The following CAD variants were observed in gnomAD, a reference collection of about 807,000 sequenced individuals.
The protein encoded by CAD is carbamoyl-phosphate synthetase 2, aspartate transcarbamylase, and dihydroorotase, also known as multifunctional protein CAD.
In CAD, 81 loss-of-function variants were observed where a neutral mutation model predicts 237.2. The observed-to-expected ratio is 0.34, with a 90% CI of 0.29 to 0.41. CAD has a LOEUF of 0.41. Among genes scored for constraint, CAD ranks in the 10% least tolerant of loss-of-function variants. The probability of loss-of-function intolerance (pLI) is 1.00; values close to 1 mark genes in which losing one functional copy is unlikely to be tolerated. For synonymous variants in CAD, 1,196 were observed against 1,162.8 expected (o/e 1.03, Z -0.58); for missense variants, 2,181 against 2,951.7 (o/e 0.74, Z 6.05).
rs1256647819 is a variant in CAD at position 27,240,695 on chromosome 2, G to A, written c.5594-216G>A. The stretch of plus-strand genomic sequence containing the variant: ...TGCCTTTGCCAACTGGGAGAGCCCC[G>A]GGAGGGCACCACTGCTCCCATACAA... On this transcript the variant is annotated intron_variant, in intron 35 of 43. Coordinates refer to ENST00000264705, the MANE Select transcript of CAD (RefSeq NM_004341.5). The surrounding 1 kb of genome is among the most constrained non-coding windows in gnomAD (Gnocchi z 4.6). The A allele has an allele frequency of 7.6e-6, 11 of 1,439,362 alleles. No homozygotes were observed. The highest frequency in any genetic ancestry group is 5.0e-5 in the East Asian group (2 of 40,178). The allele number at this position is 1,439,362 out of a possible 1,614,324, so 89.2% of individuals were successfully genotyped here.
In CAD at chr2:27,239,842, A is replaced by C; in HGVS notation, c.5496+44A>C. The C allele has an allele frequency of 5.2e-6, 7 of 1,347,956 alleles. No individual in the cohort carries two copies. The highest frequency in any genetic ancestry group is 2.4e-5 in the East Asian group (1 of 42,394). The allele number at this position is 1,347,956 out of a possible 1,614,324, so 83.5% of individuals were successfully genotyped here. ...TAGGGGGCTGGGAGGTGTTAGTCTC[A>C]GGGCAGGATGAACAGCTTGAACATT... is the stretch of plus-strand genomic sequence containing the variant. On this transcript the variant is annotated intron_variant, in intron 34 of 43. Coordinates refer to ENST00000264705, the MANE Select transcript of CAD (RefSeq NM_004341.5). This position sits in a 1 kb window ranked among gnomAD's most constrained non-coding sequence, Gnocchi z 4.0.
At chr2:27,231,253 G>A (rs1219779104) in intron 15 of CAD, among the ~76,000 whole-genome samples, 3 of 152,142 alleles carry the variant, frequency 2.0e-5, no homozygotes, top group South Asian at 2.1e-4. Flanking sequence ...TGATCCTTCC[G>A]CCTCAGCCTC....
rs774854752 is a variant in CAD at position 27,241,306 on chromosome 2, T to C, written c.5809-16T>C. Reference sequence around the variant, plus strand: ...TGGGGCTAGGACCTTTCTAGCTAACTTGGGCTCTTTCTTAGATGTCTCACC... The same window carrying C: ...TGGGGCTAGGACCTTTCTAGCTAACCTGGGCTCTTTCTTAGATGTCTCACC... On this transcript the variant is annotated splice_polypyrimidine_tract_variant and intron_variant, in intron 37 of 43. Coordinates refer to ENST00000264705, the MANE Select transcript of CAD (RefSeq NM_004341.5). The surrounding 1 kb of genome is among the most constrained non-coding windows in gnomAD (Gnocchi z 4.6). The C allele has an allele frequency of 4.3e-6, 7 of 1,613,984 alleles. No homozygotes were observed. The Admixed American group carries it at 8.3e-5, about 19-fold the overall frequency.
chr2:27,221,290 A>C lies in CAD; in HGVS notation c.295A>C (p.Ser99Arg). The C allele has an allele frequency of 6.3e-7, 1 of 1,593,754 alleles. No individual in the cohort carries two copies. Among genetic ancestry groups the C allele is most frequent in the Non-Finnish European group, 8.5e-7 (1 of 1,170,700 alleles). ...GTGCTGTCCTACTCCCAGCCACTGG[A>C]GTGCCACCCGCACCCTGCATGAGTG... Reference protein sequence around the residue: ...GECCPTPSHWSATRTLHEWLQ... With the variant: ...GECCPTPSHWRATRTLHEWLQ... Residue 99 changes from serine (S) to arginine (R), a missense_variant, in exon 3 of 44, where the codon AGT becomes CGT. Around this residue, in one of 12 missense-constraint regions of CAD, gnomAD observed 314 missense variants for 339.4 expected, o/e 0.93. Coordinates refer to ENST00000264705, the MANE Select transcript of CAD (RefSeq NM_004341.5).
rs752246638 is a variant in CAD, at chr2:27,239,203, C to G, written c.5224C>G (p.Leu1742Val). ...CCACAATCCTCGGCGCATCTTTCAC[C>G]TGCCCCCGCAGGAGGACACCTATGT... The part of the protein sequence containing the change: ...LHHNPRRIFH[L>V]PPQEDTYVEV... The change falls in exon 32 of 44, where the codon CTG becomes GTG. Residue 1742 changes from leucine to valine, a missense_variant. Physicochemically the swap from Leu to Val is conservative, Grantham distance 32. This residue lies in a region of CAD where 478 missense variants were observed against 515.0 expected (regional missense o/e 0.93). Transcript: ENST00000264705. This position sits in a 1 kb window ranked among gnomAD's most constrained non-coding sequence, Gnocchi z 4.0. The G allele has an allele frequency of 2.3e-5, 37 of 1,608,660 alleles. No individual in the cohort carries two copies. The highest frequency in any genetic ancestry group is 2.5e-5 in the Non-Finnish European group (30 of 1,176,990).
At position 27,239,536 on chromosome 2, in the gene CAD, T is replaced by C; in HGVS notation, c.5394+65T>C. The C allele has an allele frequency of 3.2e-6, 5 of 1,574,768 alleles. No individual in the cohort carries two copies. The highest frequency in any genetic ancestry group is 4.3e-6 in the Non-Finnish European group (5 of 1,151,118). On this transcript the variant is annotated intron_variant, in intron 33 of 43. Coordinates refer to ENST00000264705, the MANE Select transcript of CAD (RefSeq NM_004341.5). This position sits in a 1 kb window ranked among gnomAD's most constrained non-coding sequence, Gnocchi z 4.0. ...TTCTGCACCACGTTCATTTCTTCCC[T>C]TCCCAGCACATCTACACTGTCCCAC...
Position 27,238,174 on chromosome 2 carries a change from C to T in CAD, c.4847C>T (p.Ala1616Val). ...CGCTCAGTGCACATATGTCACGTGG[C>T]ACGGAAGGAGGAGGTAAGAGTACAC... The part of the protein sequence containing the change: ...TQRSVHICHV[A>V]RKEEILLIKA... The change falls in exon 30 of 44, where the codon GCA becomes GTA. Residue 1616 changes from alanine (A) to valine (V), a missense_variant. This residue lies in a region of CAD where 478 missense variants were observed against 515.0 expected (regional missense o/e 0.93). Transcript: ENST00000264705. 1 of 1,614,042 alleles carries T rather than the reference C, an allele frequency of 6.2e-7. No individual in the cohort carries two copies.
At chr2:27,227,529 T>G (rs948782959) in intron 15 of CAD, 1 of 152,326 alleles carries the variant, frequency 6.6e-6, no homozygotes, top group Non-Finnish European at 1.5e-5. Flanking sequence ...TAGTGGCCTT[T>G]AAACAAGTAA....
At chr2:27,220,295 G>A (rs754828577) in intron 2 of CAD, among the ~76,000 whole-genome samples, 5 of 152,206 alleles carry the variant, frequency 3.3e-5, no homozygotes, top group Non-Finnish European at 5.9e-5. Context: ...GGCACAAGCT[G>A]TATTGGGTGA....
chr2:27,228,167 TAGTC>T (rs1189907310), intron 15 of CAD, among the ~76,000 whole-genome samples: 1 of 152,164 alleles, frequency 6.6e-6, no homozygotes, highest in African/African-American at 2.4e-5. Context: ...CTAGAGTAAA[TAGTC>T]AGAGGAGATG....
At chr2:27,223,245 A>G (rs1440749357) in intron 6 of CAD, among the ~76,000 whole-genome samples, 1 of 152,204 alleles carries the variant, frequency 6.6e-6, no homozygotes, top group African/African-American at 2.4e-5. Flanking sequence ...AGCCTGGCCA[A>G]CATGGTGAAA....
rs751472393 is a variant in CAD, at chr2:27,233,717, C to T, written c.3308C>T (p.Thr1103Met). The change falls in exon 21 of 44, where the codon ACG becomes ATG. Residue 1103 changes from threonine to methionine, a missense_variant. Physicochemically the swap from Thr to Met is moderately conservative, Grantham distance 81 (BLOSUM62 -1). Coordinates refer to ENST00000264705, the MANE Select transcript of CAD (RefSeq NM_004341.5). The surrounding 1 kb of genome is among the most constrained non-coding windows in gnomAD (Gnocchi z 6.3). ...LSGAAMNVAY[T>M]DGDLERFLSS... Reference sequence around the variant, plus strand: ...GGTGCTGCTATGAATGTGGCCTACACGGATGGAGACCTGGAGCGCTTCCTG... The same window carrying T: ...GGTGCTGCTATGAATGTGGCCTACATGGATGGAGACCTGGAGCGCTTCCTG... The T allele has an allele frequency of 2.5e-5, 41 of 1,614,042 alleles. No homozygotes were observed. Among genetic ancestry groups the T allele is most frequent in the Non-Finnish European group, 3.3e-5 (39 of 1,180,038 alleles).
chr2:27,224,923 G>T (rs755618660), intron 10 of CAD, 47 bp downstream of exon 10: 2 of 1,612,688 alleles, frequency 1.2e-6, no homozygotes, highest in Admixed American at 1.7e-5. Flanking sequence ...GGGCAGGGGG[G>T]CCCAGTGGTC....
Position 27,237,626 on chromosome 2 carries a change from C to A in CAD, c.4563+81C>A. 1 of 1,572,968 alleles carries A rather than the reference C, an allele frequency of 6.4e-7. No individual in the cohort carries two copies. Among genetic ancestry groups the A allele is most frequent in the Admixed American group, 1.8e-5 (1 of 57,078 alleles). On this transcript the variant is annotated intron_variant, in intron 28 of 43. Coordinates refer to ENST00000264705, the MANE Select transcript of CAD (RefSeq NM_004341.5). This position sits in a 1 kb window ranked among gnomAD's most constrained non-coding sequence, Gnocchi z 4.0. ...CTTGCTTCCCTGAGCCCTTTTCCTTCTGCCCCGCCCTATGGGCCCAGGCCA... is the reference window on the plus strand; with the variant it reads ...CTTGCTTCCCTGAGCCCTTTTCCTTATGCCCCGCCCTATGGGCCCAGGCCA...
chr2:27,222,630 G>T lies in CAD; in HGVS notation c.607G>T (p.Val203Leu), dbSNP rs1480802238. Residue 203 changes from valine to leucine, a missense_variant, in exon 5 of 44, where the codon GTA becomes TTA. Val to Leu is a conservative substitution (Grantham distance 32). Around this residue, in one of 12 missense-constraint regions of CAD, gnomAD observed 314 missense variants for 339.4 expected, o/e 0.93. Coordinates refer to ENST00000264705, the MANE Select transcript of CAD (RefSeq NM_004341.5). ...CCAGCGTGGGGCTGAGGTCACTGTG[G>T]TACCCTGGGACCATGCACTAGACAG... Reference protein sequence around the residue: ...LCQRGAEVTVVPWDHALDSQE... With the variant: ...LCQRGAEVTVLPWDHALDSQE... 3 of 1,614,014 alleles carry T rather than the reference G, an allele frequency of 1.9e-6. No individual in the cohort carries two copies. Among genetic ancestry groups the T allele is most frequent in the Non-Finnish European group, 2.5e-6 (3 of 1,180,034 alleles).
rs267599312 is a variant in CAD, at chr2:27,222,911, C to A, written c.683C>A (p.Ser228Tyr). The stretch of plus-strand genomic sequence containing the variant: ...AGTAATGGGCCTGGTGACCCTGCCT[C>A]CTATCCCAGTGTCGTATCCACACTG... Reference protein sequence around the residue: ...FLSNGPGDPASYPSVVSTLSR... With the variant: ...FLSNGPGDPAYYPSVVSTLSR... Residue 228 changes from serine (S) to tyrosine (Y), a missense_variant, in exon 6 of 44, where the codon TCC becomes TAC. By Grantham distance (144) the Ser-to-Tyr change is moderately radical. Transcript: ENST00000264705. The A allele has an allele frequency of 6.2e-7, 1 of 1,614,088 alleles. No homozygotes were observed. Among genetic ancestry groups the A allele is most frequent in the Non-Finnish European group, 8.5e-7 (1 of 1,180,046 alleles).
In CAD at chr2:27,241,144, TTGC is replaced by T. The variant is rs1676296809; in HGVS notation, c.5729_5731del (p.Leu1910del). 2 of 1,612,574 alleles carry T rather than the reference TTGC, an allele frequency of 1.2e-6. No individual in the cohort carries two copies. Among genetic ancestry groups the T allele is most frequent in the Non-Finnish European group, 1.7e-6 (2 of 1,179,332 alleles). On this transcript the variant is annotated inframe_deletion, in exon 37 of 44. Transcript: ENST00000264705. The surrounding 1 kb of genome is among the most constrained non-coding windows in gnomAD (Gnocchi z 4.6). ...TCCCCAGAACCTGGGGACCCCTGGC[TTGC>T]TGCACCCCCAGACCTCACCCCTGCT...
At chr2:27,243,324 G>A (rs775647355) in intron 43 of CAD, 32 bp downstream of exon 43, 12 of 1,611,240 alleles carry the variant, frequency 7.4e-6, no homozygotes, top group Admixed American at 5.0e-5. Context: ...AGACTGCCTC[G>A]GGGCTGGTGG....
At position 27,226,149 on chromosome 2, in the gene CAD, T is replaced by C. The variant is rs1325495978; in HGVS notation, c.1861T>C (p.Leu621=). 4 of 1,613,998 alleles carry C rather than the reference T, an allele frequency of 2.5e-6. No individual in the cohort carries two copies. Among genetic ancestry groups the C allele is most frequent in the Non-Finnish European group, 3.4e-6 (4 of 1,179,992 alleles). The change falls in exon 13 of 44, where the codon TTG becomes CTG. Residue 621 remains leucine (L), a synonymous_variant. Coordinates refer to ENST00000264705, the MANE Select transcript of CAD (RefSeq NM_004341.5). ...TTCACAGGTGTGTAACATGGAGAAC[T>C]TGGACCCACTGGGCATCCACACTGG... ...NCVTVCNMEN[L]DPLGIHTGES...
Sources: gnomAD v4.1 joint callset for allele counts (sites outside exome capture counted in the v4.1 genomes callset) on GRCh38, gnomAD v4.1.1 for gene constraint, gnomAD v4.1.1 regional missense constraint, Gnocchi (gnomAD v3.1) non-coding constraint, MANE v1.5 for transcripts, NCBI Gene and HGNC (gene_info 2026-07-23, HGNC 2026-07-21) for gene names.